The following PEX11G variants were observed in gnomAD, a reference collection of about 807,000 sequenced individuals.
The protein encoded by PEX11G is peroxisomal membrane protein 11C.
In PEX11G, 20 loss-of-function variants were observed where a neutral mutation model predicts 22.5. That is an observed-to-expected ratio of 0.89 (90% CI 0.62 to 1.29). The LOEUF is 1.29. Among genes scored for constraint, PEX11G ranks in the 50% most tolerant of loss-of-function variants. PEX11G has a pLI of 0.00. For missense variants in PEX11G, 347 were observed against 331.3 expected (o/e 1.05, Z -0.37); for synonymous variants, 141 against 154.5 (o/e 0.91, Z 0.65).
At chr19:7,482,590 C>G (rs894715271) in intron 2 of PEX11G, among the ~76,000 whole-genome samples, 1 of 152,222 alleles carries the variant, frequency 6.6e-6, no homozygotes, top group African/African-American at 2.4e-5. Context: ...ATTCCCAGGC[C>G]AAGTTGGGAG....
chr19:7,494,171 T>C (rs1044440083), intron 1 of PEX11G, among the ~76,000 whole-genome samples: 2 of 152,180 alleles, frequency 1.3e-5, no homozygotes, highest in African/African-American at 4.8e-5. Flanking sequence ...CCTCCTAAAG[T>C]GCTGGGATTA....
upstream of PEX11G, among the ~76,000 whole-genome samples, chr19:7,491,794 A>G (rs1196076573): frequency 6.6e-6 from 1 of 152,130 alleles, no homozygotes; most frequent in Non-Finnish European, 1.5e-5. Context: ...CTGGGACTAC[A>G]GGTGCACGCC....
At chr19:7,487,896 G>C (rs967933561) in intron 1 of PEX11G, among the ~76,000 whole-genome samples, 1 of 152,144 alleles carries the variant, frequency 6.6e-6, no homozygotes, top group Non-Finnish European at 1.5e-5. Flanking sequence ...TATTTGAATG[G>C]AATCTAAATG....
chr19:7,492,714 T>C (rs986934118), upstream of PEX11G, among the ~76,000 whole-genome samples: 14 of 152,218 alleles, frequency 9.2e-5, no homozygotes, highest in African/African-American at 3.1e-4. Flanking sequence ...AGTGCTGGGA[T>C]TATAGGCGTG....
At chr19:7,493,442 A>C (rs1292370155), upstream of PEX11G, among the ~76,000 whole-genome samples, 1 of 151,348 alleles carries the variant, frequency 6.6e-6, no homozygotes, top group African/African-American at 2.4e-5. Flanking sequence ...TGATCCACCC[A>C]CTTCGGCCTC....
At chr19:7,490,019 G>A (rs1466269724), upstream of PEX11G, among the ~76,000 whole-genome samples, 2 of 152,022 alleles carry the variant, frequency 1.3e-5, no homozygotes, top group Non-Finnish European at 2.9e-5. Context: ...CACTGTGCCC[G>A]GCTAATTTTT....
chr19:7,494,805 G>A (rs555201680), intron 1 of PEX11G, among the ~76,000 whole-genome samples: 4 of 152,234 alleles, frequency 2.6e-5, no homozygotes, highest in East Asian at 1.9e-4. Context: ...CTGTGACCGC[G>A]GCAGAGCAAG....
chr19:7,494,439 G>T (rs1223253177), intron 1 of PEX11G, among the ~76,000 whole-genome samples: 1 of 152,182 alleles, frequency 6.6e-6, no homozygotes, highest in Non-Finnish European at 1.5e-5. Flanking sequence ...GACATGCAGA[G>T]GAAAGAGGTC....
chr19:7,494,147 T>C (rs77425398), intron 1 of PEX11G, among the ~76,000 whole-genome samples: 7,398 of 152,164 alleles, frequency 0.049, 278 homozygotes, highest in East Asian at 0.17. Flanking sequence ...CCTTGGGGAA[T>C]CCTCCCATCT....
intron 4 of PEX11G, 95 bp downstream of exon 4, chr19:7,478,219 C>T (rs1977319666): frequency 1.5e-6 from 2 of 1,353,998 alleles, no homozygotes; most frequent in African/African-American, 2.9e-5. Context: ...GCACAACAGT[C>T]CCCAGCATGG....
rs767062588 is a variant in PEX11G, at chr19:7,485,886, A to T, written c.201T>A (p.Asp67Glu). ...TAGTGTAGACAAACATGGCCAGGTC[A>T]TCAAAGAGTCGCAAGATGGTCCTGC... is the stretch of plus-strand genomic sequence containing the variant. ...SHCRTILRLF[D>E]DLAMFVYTKQ... The change falls in exon 2 of 5, where the codon GAT becomes GAA. Residue 67 changes from aspartate (D) to glutamate (E), a missense_variant. Coordinates refer to ENST00000221480, the MANE Select transcript of PEX11G (RefSeq NM_080662.4). The T allele has an allele frequency of 4.5e-5, 73 of 1,613,458 alleles. No individual in the cohort carries two copies. In the East Asian group the frequency reaches 1.6e-3, roughly 35 times the overall value.
intron 2 of PEX11G, among the ~76,000 whole-genome samples, chr19:7,484,354 CA>C (rs138530269): frequency 0.38 from 56,642 of 147,836 alleles, 11,280 homozygotes; most frequent in African/African-American, 0.53. Context: ...ACCCTGTCTC[CA>C]AAAAAAAAGA....
upstream of PEX11G, among the ~76,000 whole-genome samples, chr19:7,491,481 C>A (rs1308343952): frequency 6.6e-6 from 1 of 151,842 alleles, no homozygotes; most frequent in Non-Finnish European, 1.5e-5. Context: ...GTTGGCCAGG[C>A]TGGTCTTGAA....
In PEX11G at chr19:7,477,033, C is replaced by T. The variant is rs115332172; in HGVS notation, c.*169G>A. 3.1e-3 allele frequency: 1,644 copies of T among 524,590 alleles called. 15 individuals are homozygous for T. The highest frequency in any genetic ancestry group is 0.027 in the African/African-American group (1,368 of 50,534). 32.5% of individuals were successfully genotyped at this position (524,590 alleles called of 1,614,324 possible). ...CCTGAAAACTGTCACGGCTCAGGAG[C>T]TCCAGGCTGAGGCCTGGGGGACCTC... On this transcript the variant is annotated 3_prime_UTR_variant, in exon 5 of 5. Transcript: ENST00000221480.
chr19:7,479,985 CG>C (rs1300820638), intron 3 of PEX11G, among the ~76,000 whole-genome samples: 1 of 151,972 alleles, frequency 6.6e-6, no homozygotes, highest in African/African-American at 2.4e-5. Flanking sequence ...AAGTCTGGGC[CG>C]GGAGTGGTGG....
chr19:7,494,395 A>T (rs773921696), intron 1 of PEX11G, among the ~76,000 whole-genome samples: 19 of 152,162 alleles, frequency 1.2e-4, no homozygotes, highest in Non-Finnish European at 2.4e-4. Context: ...TCTCTAAAAA[A>T]GTAAAACAAA....
At chr19:7,478,400 G>A in intron 3 of PEX11G, 24 bp from the exon 4 acceptor site, 1 of 1,598,962 alleles carries the variant, frequency 6.3e-7, no homozygotes, top group Non-Finnish European at 8.5e-7. Flanking sequence ...GCCCGAGGGA[G>A]GATGCCCCGG....
intron 3 of PEX11G, among the ~76,000 whole-genome samples, chr19:7,481,745 GC>G (rs1977496644): frequency 6.6e-6 from 1 of 152,224 alleles, no homozygotes; most frequent in Admixed American, 6.5e-5. Context: ...GAAGGCATCA[GC>G]GCCTGCTGAC....
At chr19:7,482,514 C>T (rs777230375) in intron 2 of PEX11G, among the ~76,000 whole-genome samples, 2 of 152,232 alleles carry the variant, frequency 1.3e-5, no homozygotes, top group African/African-American at 2.4e-5. Flanking sequence ...AGGATTCTGC[C>T]TCACTCAGCC....
Sources: gnomAD v4.1 joint callset for allele counts (sites outside exome capture counted in the v4.1 genomes callset) on GRCh38, gnomAD v4.1.1 for gene constraint, MANE v1.5 for transcripts, NCBI Gene and HGNC (gene_info 2026-07-23, HGNC 2026-07-21) for gene names.